The following MYH13 variants were observed in gnomAD, a reference collection of about 807,000 sequenced individuals.
The protein encoded by MYH13 is myosin heavy chain 13, also known as myosin-13.
A neutral mutation model predicts 232.1 loss-of-function variants in MYH13; 177 were observed. The ratio of observed to expected loss-of-function variants is 0.76; its 90% CI spans 0.67 to 0.86. The LOEUF (loss-of-function observed/expected upper bound fraction) is 0.86, where lower values mean the gene tolerates loss of function less well. MYH13 is among the 40% of genes least tolerant of loss of function. The probability of loss-of-function intolerance (pLI) is 0.00; values close to 1 mark genes in which losing one functional copy is unlikely to be tolerated. For missense variants in MYH13, 2,246 were observed against 2,405.9 expected (o/e 0.93, Z 1.39); for synonymous variants, 884 against 923.5 (o/e 0.96, Z 0.78).
At chr17:10,311,318 T>C (rs1906502023) in intron 32 of MYH13, 91 bp from the exon 33 acceptor site, 2 of 1,481,714 alleles carry the variant, frequency 1.3e-6, no homozygotes, top group African/African-American at 2.8e-5. Flanking sequence ...GGGCGATTCA[T>C]TCATGACATT....
chr17:10,311,350 C>T, intron 32 of MYH13, 123 bp from the exon 33 acceptor site: 6 of 1,236,668 alleles, frequency 4.9e-6, no homozygotes, highest in Non-Finnish European at 6.7e-6. Context: ...GAATACAGGG[C>T]AGCCGTTCAG....
chr17:10,327,805 T>A, intron 22 of MYH13, 61 bp downstream of exon 22: 1 of 1,577,620 alleles, frequency 6.3e-7, no homozygotes, highest in Admixed American at 2.0e-5. Context: ...CCCTCAATGT[T>A]CCTCCCCCTT....
chr17:10,353,391 A>G lies in MYH13; in HGVS notation c.1005+1289T>C, dbSNP rs1164813023. Among the ~76,000 whole-genome samples, 3 of 152,318 alleles carry G rather than the reference A, an allele frequency of 2.0e-5. No individual in the cohort carries two copies. In the East Asian group the frequency reaches 5.8e-4, roughly 29 times the overall value. On this transcript the variant is annotated intron_variant, in intron 11 of 40. Transcript: ENST00000252172. ...TATTATCAGCTGGAAATGTCACCAA[A>G]TGAAGGCTAAGAAGCTGGTCATGGG...
At position 10,362,180 on chromosome 17, in the gene MYH13, C is replaced by A. The variant is rs202246911; in HGVS notation, c.443G>T (p.Arg148Leu). Residue 148 changes from arginine to leucine, a missense_variant, in exon 5 of 41, where the codon CGC becomes CTC. Arg to Leu is a moderately radical substitution (Grantham distance 102). Transcript: ENST00000252172. ...GAAGATGTGGGGCGGGGCCTCCTGGCGCTTTTTGCCTCTGTAGGCAGCCAC... is the reference window on the plus strand; with the variant it reads ...GAAGATGTGGGGCGGGGCCTCCTGGAGCTTTTTGCCTCTGTAGGCAGCCAC... ...EVVAAYRGKKRQEAPPHIFSI... is the reference protein window; with the variant it reads ...EVVAAYRGKKLQEAPPHIFSI... 1 of 1,613,864 alleles carries A rather than the reference C, an allele frequency of 6.2e-7. No individual in the cohort carries two copies. The highest frequency in any genetic ancestry group is 2.2e-5 in the East Asian group (1 of 44,884).
chr17:10,350,601 T>G lies in MYH13; in HGVS notation c.1099A>C (p.Lys367Gln). 6.2e-7 allele frequency: 1 copy of G among 1,613,810 alleles called. No homozygotes were observed. Among genetic ancestry groups the G allele is most frequent in the Non-Finnish European group, 8.5e-7 (1 of 1,179,968 alleles). Residue 367 changes from lysine (K) to glutamine (Q), a missense_variant, in exon 12 of 41, where the codon AAG becomes CAG. Coordinates refer to ENST00000252172, the MANE Select transcript of MYH13 (RefSeq NM_003802.3). ...GCCTGCTCCTCACGCTGCTTCTGCTTGAACTTCATGTTCCCATAATGCATC... is the reference window on the plus strand; with the variant it reads ...GCCTGCTCCTCACGCTGCTTCTGCTGGAACTTCATGTTCCCATAATGCATC... ...AVMHYGNMKF[K>Q]QKQREEQAEP...
chr17:10,321,502 T>C, intron 24 of MYH13, 30 bp downstream of exon 24: 1 of 1,597,152 alleles, frequency 6.3e-7, no homozygotes. Context: ...AAGTGATAAA[T>C]GCTAAAGCAT....
chr17:10,308,443 CTTTTTTTTTTT>C (rs57432823), intron 35 of MYH13, among the ~76,000 whole-genome samples: 1 of 113,086 alleles, frequency 8.8e-6, no homozygotes, highest in Non-Finnish European at 1.7e-5. Context: ...TTAATTAAAA[CTTTTTTTTTTT>C]TTTTTTTTTT....
At chr17:10,343,662 G>A (rs2071636704) in intron 16 of MYH13, 138 bp downstream of exon 16, 1 of 1,020,946 alleles carries the variant, frequency 9.8e-7, no homozygotes, top group African/African-American at 1.6e-5. Flanking sequence ...AGAGCAGGAG[G>A]AAGAAAAATG....
intron 22 of MYH13, among the ~76,000 whole-genome samples, chr17:10,324,629 A>G (rs1391313964): frequency 3.3e-5 from 5 of 151,332 alleles, no homozygotes; most frequent in Non-Finnish European, 5.9e-5. Context: ...ATTTTTTTGT[A>G]GAGATGGGAT....
At chr17:10,364,032 C>T (rs567267176) in intron 3 of MYH13, among the ~76,000 whole-genome samples, 2 of 152,164 alleles carry the variant, frequency 1.3e-5, no homozygotes, top group Non-Finnish European at 2.9e-5. Context: ...TTGGTCGGCC[C>T]ATCCAGTATC....
chr17:10,309,946 A>ATTTT (rs199973868), intron 33 of MYH13, 116 bp from the exon 34 acceptor site: 5 of 691,958 alleles, frequency 7.2e-6, no homozygotes, highest in Non-Finnish European at 1.0e-5. Flanking sequence ...TTAAATTTAA[A>ATTTT]TTTTTTTTTT....
rs779045374 is a variant in MYH13, at chr17:10,362,426, C to T, written c.282G>A (p.Met94Ile). ...KFDKIEDMAM[M>I]THLHEPAVLY... is the part of the protein sequence containing the mutation. ...GAACAGCAGGTTCATGCAGGTGAGT[C>T]ATCATGGCCATGTCCTCGATCTTGT... is the stretch of plus-strand genomic sequence containing the variant. Residue 94 changes from methionine (M) to isoleucine (I), a missense_variant, in exon 4 of 41, where the codon ATG (methionine) becomes ATA (isoleucine). Physicochemically the swap from Met to Ile is conservative, Grantham distance 10. Coordinates refer to ENST00000252172, the MANE Select transcript of MYH13 (RefSeq NM_003802.3). 8 of 1,614,078 alleles carry T rather than the reference C, an allele frequency of 5.0e-6. No homozygotes were observed. The South Asian group carries it at 8.8e-5, about 18-fold the overall frequency.
intron 11 of MYH13, among the ~76,000 whole-genome samples, chr17:10,352,826 T>C (rs1209416400): frequency 2.6e-5 from 4 of 152,174 alleles, no homozygotes; most frequent in African/African-American, 9.7e-5. Context: ...ACAACTTAAA[T>C]TAAATTTGGT....
chr17:10,340,483 C>G (rs1301789140), intron 16 of MYH13, 82 bp from the exon 17 acceptor site: 6 of 1,056,430 alleles, frequency 5.7e-6, no homozygotes, highest in African/African-American at 1.6e-5. Context: ...GTTCCCAGCC[C>G]CGAGTTCTGG....
In MYH13 at chr17:10,321,563, A is replaced by G; in HGVS notation, c.3080T>C (p.Ile1027Thr). ...TGTTTGCTGTTCAAGCTTGGCATTT[A>G]TTTTGATTAGACCATTGACTTTATC... ...EEDKVNGLIK[I>T]NAKLEQQTDD... The change falls in exon 24 of 41, where the codon ATA (isoleucine) becomes ACA (threonine). Residue 1027 changes from isoleucine to threonine, a missense_variant. Coordinates refer to ENST00000252172, the MANE Select transcript of MYH13 (RefSeq NM_003802.3). The G allele has an allele frequency of 6.2e-7, 1 of 1,613,612 alleles. No individual in the cohort carries two copies.
Position 10,303,474 on chromosome 17 carries a change from C to G in MYH13, c.5491G>C (p.Asp1831His), listed in dbSNP as rs1906175218. ...TCAGCTCCCCTCTTCTGTTCCACAT[C>G]AAGCTCATTTTCCAGCTCCCGCACC... ...NRVRELENEL[D>H]VEQKRGAEAL... is the part of the protein sequence containing the mutation. Residue 1831 changes from aspartate (D) to histidine (H), a missense_variant, in exon 38 of 41, where the codon GAT becomes CAT. Coordinates refer to ENST00000252172, the MANE Select transcript of MYH13 (RefSeq NM_003802.3). 6.2e-7 allele frequency: 1 copy of G among 1,613,974 alleles called. No individual in the cohort carries two copies. Among genetic ancestry groups the G allele is most frequent in the East Asian group, 2.2e-5 (1 of 44,886 alleles).
At chr17:10,316,402 A>C (rs1230199356) in intron 27 of MYH13, among the ~76,000 whole-genome samples, 1 of 152,280 alleles carries the variant, frequency 6.6e-6, no homozygotes, top group Non-Finnish European at 1.5e-5. Context: ...CGGAGGTTGC[A>C]GTGAGCCGAG....
chr17:10,311,362 T>A (rs1374805313), intron 32 of MYH13, 135 bp from the exon 33 acceptor site: 5 of 1,113,036 alleles, frequency 4.5e-6, no homozygotes, highest in African/African-American at 3.1e-5. Context: ...GCCGTTCAGA[T>A]GAGGTGTTGG....
Position 10,360,172 on chromosome 17 carries a change from A to G in MYH13, c.522T>C (p.Ser174=). The change falls in exon 6 of 41, where the codon TCT becomes TCC. Residue 174 remains serine (S), a synonymous_variant. Transcript: ENST00000252172. ...GAGGTGTTACTCACGTGATGAGGATAGACTGGTTGTCTCGATCTAGAAATG... is the reference window on the plus strand; with the variant it reads ...GAGGTGTTACTCACGTGATGAGGATGGACTGGTTGTCTCGATCTAGAAATG... The part of the protein sequence containing the change: ...QFMLTDRDNQ[S]ILITGESGAG... 1 of 1,613,988 alleles carries G rather than the reference A, an allele frequency of 6.2e-7. No individual in the cohort carries two copies.
Sources: gnomAD v4.1 joint callset for allele counts (sites outside exome capture counted in the v4.1 genomes callset) on GRCh38, gnomAD v4.1.1 for gene constraint, MANE v1.5 for transcripts, NCBI Gene and HGNC (gene_info 2026-07-23, HGNC 2026-07-21) for gene names.